The following LAMA3 variants were observed in gnomAD, a reference collection of about 807,000 sequenced individuals.
LAMA3 encodes the protein laminin subunit alpha-3.
Under a neutral mutation model 402.0 loss-of-function variants are expected in LAMA3, and 281 were observed. That is an observed-to-expected ratio of 0.70 (90% confidence interval 0.63 to 0.77). The LOEUF (loss-of-function observed/expected upper bound fraction) is 0.77, where lower values mean the gene tolerates loss of function less well. Among genes scored for constraint, LAMA3 ranks in the 30% least tolerant of loss-of-function variants. The pLI is 0.00. For synonymous variants in LAMA3, 1,431 were observed against 1,558.4 expected, an observed-to-expected ratio of 0.92 and a Z score of 1.93; for missense variants, 3,840 against 4,215.5, an observed-to-expected ratio of 0.91 and a Z score of 2.47.
intron 23 of LAMA3, among the ~76,000 whole-genome samples, chr18:23,833,491 C>T (rs2063524359): frequency 6.6e-6 from 1 of 152,036 alleles, no homozygotes; most frequent in African/African-American, 2.4e-5. Context: ...TGTCTTTTAC[C>T]TTGAGAAACA....
chr18:23,725,101 A>G (rs144768937), intron 2 of LAMA3, among the ~76,000 whole-genome samples: 3 of 151,508 alleles, frequency 2.0e-5, no homozygotes, highest in East Asian at 3.9e-4. Context: ...GTATAACAGT[A>G]TAACTCACCA....
At position 23,728,295 on chromosome 18, in the gene LAMA3, G is replaced by T. The variant is rs115875341; in HGVS notation, c.447+14223G>T. ...CTGGACAGCAGCAACAGGCTGGGGG[G>T]AGGTATCCCAGGTGCTCAGGGGGTA... is the stretch of plus-strand genomic sequence containing the variant. On this transcript the variant is annotated intron_variant, in intron 2 of 74. Transcript: ENST00000313654. Among the ~76,000 whole-genome samples the T allele has an allele frequency of 5.1e-3, 784 of 152,302 alleles. 6 individuals carry two copies. The highest frequency in any genetic ancestry group is 0.018 in the African/African-American group (749 of 41,556).
chr18:23,859,316 C>T (rs1316988274), intron 34 of LAMA3, among the ~76,000 whole-genome samples: 1 of 152,140 alleles, frequency 6.6e-6, no homozygotes, highest in African/African-American at 2.4e-5. Flanking sequence ...CTGATTCTCC[C>T]AGACACTCCG....
chr18:23,847,440 G>C, intron 31 of LAMA3, 24 bp from the exon 32 acceptor site: 1 of 1,606,204 alleles, frequency 6.2e-7, no homozygotes, highest in Non-Finnish European at 8.5e-7. Flanking sequence ...ACCCTCACAT[G>C]GTATTTCTTT....
chr18:23,730,358 C>CTTTTTTTTTTT (rs2061371262), intron 2 of LAMA3, among the ~76,000 whole-genome samples: 1 of 139,998 alleles, frequency 7.1e-6, no homozygotes. Context: ...GTCTTTTTTT[C>CTTTTTTTTTTT]TTTTTCTTTC....
intron 12 of LAMA3, among the ~76,000 whole-genome samples, chr18:23,800,901 A>G (rs1163698768): frequency 6.6e-6 from 1 of 152,154 alleles, no homozygotes; most frequent in African/African-American, 2.4e-5. Context: ...CTGTGTATAT[A>G]TACCTCGTTT....
chr18:23,942,580 CTTT>C (rs11293501), intron 68 of LAMA3, among the ~76,000 whole-genome samples: 46 of 133,524 alleles, frequency 3.4e-4, no homozygotes, highest in East Asian at 4.4e-4. Flanking sequence ...TTGCACTCTG[CTTT>C]TTTTTTTTTT....
chr18:23,722,716 A>G (rs2061235480), intron 2 of LAMA3, among the ~76,000 whole-genome samples: 1 of 152,200 alleles, frequency 6.6e-6, no homozygotes, highest in Non-Finnish European at 1.5e-5. Context: ...TGTACTAGGG[A>G]ACAGCAACAC....
At chr18:23,778,636 C>T (rs924174760) in intron 11 of LAMA3, among the ~76,000 whole-genome samples, 11 of 152,304 alleles carry the variant, frequency 7.2e-5, no homozygotes, top group Middle Eastern at 6.8e-3. Flanking sequence ...AAGGGCACAG[C>T]ACACGCACAC....
At position 23,763,459 on chromosome 18, in the gene LAMA3, G is replaced by T. The variant is rs367796914; in HGVS notation, c.1118G>T (p.Arg373Leu). The change falls in exon 8 of 75, where the codon CGG becomes CTG. Residue 373 changes from arginine (R) to leucine (L), a missense_variant. By Grantham distance (102) the Arg-to-Leu change is moderately radical. This residue lies in a region of LAMA3 where 2,109 missense variants were observed against 2,376.0 expected (regional missense o/e 0.89). Transcript: ENST00000313654. The stretch of plus-strand genomic sequence containing the variant: ...TGTTACTATGATCCAGATGTTGAGC[G>T]GCAGCAGGCAAGCTTGAATACCCAG... Reference protein sequence around the residue: ...SNCYYDPDVERQQASLNTQGI... With the variant: ...SNCYYDPDVELQQASLNTQGI... The T allele has an allele frequency of 3.7e-6, 6 of 1,613,894 alleles. No homozygotes were observed. The highest frequency in any genetic ancestry group is 2.7e-5 in the African/African-American group (2 of 74,876).
At position 23,904,074 on chromosome 18, in the gene LAMA3, A is replaced by G. The variant is rs1482890431; in HGVS notation, c.6460A>G (p.Lys2154Glu). 1 of 1,613,672 alleles carries G rather than the reference A, an allele frequency of 6.2e-7. No homozygotes were observed. Among genetic ancestry groups the G allele is most frequent in the African/African-American group, 1.3e-5 (1 of 75,040 alleles). The change falls in exon 50 of 75, where the codon AAG (lysine) becomes GAG (glutamate). Residue 2154 changes from lysine to glutamate, a missense_variant. Physicochemically the swap from Lys to Glu is moderately conservative, Grantham distance 56. Coordinates refer to ENST00000313654, the MANE Select transcript of LAMA3 (RefSeq NM_198129.4). The part of the protein sequence containing the change: ...KHARSLQELA[K>E]QLEEIKRNAS... ...CGCGCGGTCCTTACAAGAGCTGGCAAAGCAGCTGGAAGAGTGAGTGCATGG... is the reference window on the plus strand; with the variant it reads ...CGCGCGGTCCTTACAAGAGCTGGCAGAGCAGCTGGAAGAGTGAGTGCATGG...
At chr18:23,951,544 T>G (rs1316938467) in intron 72 of LAMA3, 140 bp from the exon 73 acceptor site, 3 of 686,412 alleles carry the variant, frequency 4.4e-6, no homozygotes, top group Non-Finnish European at 8.0e-6. Flanking sequence ...TGTGGTCAAA[T>G]GCTTCAAAAG....
chr18:23,778,978 T>G (rs2062380180), intron 11 of LAMA3, among the ~76,000 whole-genome samples: 1 of 152,078 alleles, frequency 6.6e-6, no homozygotes. Context: ...ATTAGAGCAG[T>G]CAGAGAAGGC....
At position 23,872,371 on chromosome 18, in the gene LAMA3, T is replaced by C. The variant is rs1167911032; in HGVS notation, c.4998+710T>C. Among the ~76,000 whole-genome samples, 4 of 152,218 alleles carry C rather than the reference T, an allele frequency of 2.6e-5. No homozygotes were observed. In the East Asian group the frequency reaches 7.7e-4, roughly 29 times the overall value. On this transcript the variant is annotated intron_variant, in intron 38 of 74. Coordinates refer to ENST00000313654, the MANE Select transcript of LAMA3 (RefSeq NM_198129.4). ...AAATGTGCCATAAAATGAAACTGTT[T>C]AATTTCTCTGGCTATAAGTATGTCT...
At chr18:23,767,976 T>A (rs2062113432) in intron 8 of LAMA3, among the ~76,000 whole-genome samples, 1 of 152,132 alleles carries the variant, frequency 6.6e-6, no homozygotes, top group Non-Finnish European at 1.5e-5. Context: ...TATACAATAA[T>A]TAACTCAAGA....
intron 41 of LAMA3, among the ~76,000 whole-genome samples, chr18:23,885,144 C>T (rs1057211003): frequency 2.6e-5 from 4 of 151,404 alleles, no homozygotes; most frequent in African/African-American, 9.7e-5. Context: ...CCTCAACCCC[C>T]GACACCTCCC....
intron 37 of LAMA3, among the ~76,000 whole-genome samples, chr18:23,870,477 A>G (rs1011514911): frequency 2.0e-5 from 3 of 152,208 alleles, no homozygotes; most frequent in African/African-American, 4.8e-5. Flanking sequence ...CAGCAGTCCC[A>G]CTTCTGGATA....
intron 56 of LAMA3, 141 bp downstream of exon 56, chr18:23,913,022 G>T (rs1467951440): frequency 1.2e-6 from 1 of 804,498 alleles, no homozygotes; most frequent in Non-Finnish European, 2.1e-6. Flanking sequence ...AATCCCTCCA[G>T]CTTCCTCCCT....
intron 2 of LAMA3, among the ~76,000 whole-genome samples, chr18:23,718,253 A>G (rs185278152): frequency 1.3e-5 from 2 of 152,134 alleles, no homozygotes; most frequent in Admixed American, 6.5e-5. Context: ...TCCAAACTCC[A>G]GAGTTCTATT....
Sources: gnomAD v4.1 joint callset for allele counts (sites outside exome capture counted in the v4.1 genomes callset) on GRCh38, gnomAD v4.1.1 for gene constraint, gnomAD v4.1.1 regional missense constraint, MANE v1.5 for transcripts, NCBI Gene and HGNC (gene_info 2026-07-23, HGNC 2026-07-21) for gene names.